HCCS: variants seen among roughly 807,000 people sequenced by gnomAD.
HCCS encodes holocytochrome c synthase.
HCCS carries 2 observed loss-of-function variants against 24.2 expected under a neutral mutation model. The observed-to-expected ratio is 0.08, with a 90% CI of 0.03 to 0.26. HCCS has a LOEUF of 0.26. HCCS is among the 10% of genes least tolerant of loss of function. The probability of loss-of-function intolerance (pLI) is 1.00; values close to 1 mark genes in which losing one functional copy is unlikely to be tolerated. For missense variants in HCCS, 150 were observed against 213.3 expected (o/e 0.70, Z 1.85); for synonymous variants, 73 against 76.2 (o/e 0.96, Z 0.22).
At chrX:11,118,661 T>C (rs2045467710) in intron 5 of HCCS, 41 bp downstream of exon 5, 2 of 1,163,330 alleles carry the variant, frequency 1.7e-6, no homozygotes, top group Non-Finnish European at 2.3e-6. Context: ...AGCATCTTTG[T>C]TATTTCATAT....
chrX:11,114,689 A>G (rs1180992641), intron 2 of HCCS, 146 bp from the exon 3 acceptor site: 4 of 541,789 alleles, frequency 7.4e-6, no homozygotes, highest in Non-Finnish European at 1.3e-5. Flanking sequence ...TAGCTAGTTC[A>G]GTTCTTGATA....
At position 11,122,774 on chromosome X, in the gene HCCS, G is replaced by A. The variant is rs900747285; in HGVS notation, c.*964G>A. 8.9e-6 allele frequency: 1 copy of A among 111,865 alleles called. No individual in the cohort carries two copies. Among genetic ancestry groups the A allele is most frequent in the East Asian group, 2.8e-4 (1 of 3,592 alleles). The allele number at this position is 111,865 out of a possible 1,213,427, so 9.2% of individuals were successfully genotyped here. A position where few individuals can be genotyped will look rare whatever the true frequency, so the allele number is the denominator to read the frequency against. ...AACTCAGTCTAGATTTTTTTTGTTT[G>A]TTTTAAGGAAGCTCTAAGTTTGCCA... On this transcript the variant is annotated 3_prime_UTR_variant, in exon 7 of 7. Transcript: ENST00000380762.
intron 2 of HCCS, among the ~76,000 whole-genome samples, chrX:11,112,744 T>A (rs1031644587): frequency 8.8e-6 from 1 of 113,215 alleles, no homozygotes; most frequent in Non-Finnish European, 1.9e-5. Context: ...TCCCAAAGTT[T>A]ACTTGTGCCT....
chrX:11,120,439 C>T (rs1216611488), intron 5 of HCCS, among the ~76,000 whole-genome samples: 1 of 112,360 alleles, frequency 8.9e-6, no homozygotes, highest in Non-Finnish European at 1.9e-5. Flanking sequence ...ACATTAATTA[C>T]AATCCATTTC....
Position 11,118,489 on chromosome X carries a change from ATTCTTTCCT to A in HCCS, c.402-11_402-3del. On this transcript the variant is annotated splice_region_variant and splice_polypyrimidine_tract_variant and intron_variant, in intron 4 of 6. Coordinates refer to ENST00000380762, the MANE Select transcript of HCCS (RefSeq NM_005333.5). ...GAACAGTTGTCAAATTTTACCAAATATTCTTTCCTAGGTGGAAGTGGAAGGATGAGGATA... is the reference window on the plus strand; with the variant it reads ...GAACAGTTGTCAAATTTTACCAAATAAGGTGGAAGTGGAAGGATGAGGATA... The A allele has an allele frequency of 8.4e-7, 1 of 1,193,198 alleles. No individual in the cohort carries two copies. Among genetic ancestry groups the A allele is most frequent in the African/African-American group, 1.7e-5 (1 of 57,481 alleles).
intron 5 of HCCS, among the ~76,000 whole-genome samples, chrX:11,120,255 G>A (rs1336530437): frequency 9.0e-6 from 1 of 111,286 alleles, no homozygotes; most frequent in Non-Finnish European, 1.9e-5. Context: ...ACTCCACGAG[G>A]ACAGTGCTCA....
chrX:11,118,273 A>C lies in HCCS; in HGVS notation c.402-228A>C. ...AAAATGAGACTAAGGTGAACCTTTTATATTTGTTTTCAATGCTTCTATAGT... is the reference window on the plus strand; with the variant it reads ...AAAATGAGACTAAGGTGAACCTTTTCTATTTGTTTTCAATGCTTCTATAGT... On this transcript the variant is annotated intron_variant, in intron 4 of 6. Transcript: ENST00000380762. The C allele has an allele frequency of 3.0e-5, 13 of 440,182 alleles. No homozygotes were observed. In the South Asian group the frequency reaches 3.4e-4, roughly 12 times the overall value. 36.3% of individuals were successfully genotyped at this position (440,182 alleles called of 1,213,427 possible).
chrX:11,115,034 C>T (rs371564711), intron 3 of HCCS, 48 bp downstream of exon 3: 11 of 1,062,723 alleles, frequency 1.0e-5, no homozygotes, highest in Non-Finnish European at 1.4e-5. Context: ...TGCAGGGTTG[C>T]TTATACAGAC....
rs767566590 is a variant in HCCS, at chrX:11,121,786, C to T, written c.783C>T (p.Val261=). 2.2e-5 allele frequency: 27 copies of T among 1,207,884 alleles called. No individual in the cohort carries two copies. The highest frequency in any genetic ancestry group is 1.5e-4 in the Admixed American group (7 of 45,860). Reference sequence around the variant, plus strand: ...CGGCAGTATGGGACAGAATGAAAGTCGCTTGGTGGCGTTGGACCTCGTAAA... The same window carrying T: ...CGGCAGTATGGGACAGAATGAAAGTTGCTTGGTGGCGTTGGACCTCGTAAA... ...SLSAVWDRMK[V]AWWRWTS The change falls in exon 7 of 7, where the codon GTC becomes GTT. Residue 261 remains valine, a synonymous_variant. Transcript: ENST00000380762.
intron 5 of HCCS, among the ~76,000 whole-genome samples, chrX:11,118,939 C>T (rs769360809): frequency 1.1e-4 from 12 of 111,709 alleles, no homozygotes; most frequent in Non-Finnish European, 2.1e-4. Flanking sequence ...AGTCTTCTGA[C>T]GGCCTGCTGG....
chrX:11,121,911 C>A lies in HCCS; in HGVS notation c.*101C>A. On this transcript the variant is annotated 3_prime_UTR_variant, in exon 7 of 7. Transcript: ENST00000380762. ...TGCACTCATGATGTAATGGGAACTTCAAGTGGGTAATCACACTTTTTCCTT... is the reference window on the plus strand; with the variant it reads ...TGCACTCATGATGTAATGGGAACTTAAAGTGGGTAATCACACTTTTTCCTT... The A allele has an allele frequency of 1.5e-6, 1 of 662,592 alleles. No individual in the cohort carries two copies. The highest frequency in any genetic ancestry group is 2.4e-6 in the Non-Finnish European group (1 of 419,676). 54.6% of individuals were successfully genotyped at this position (662,592 alleles called of 1,213,427 possible). A position where few individuals can be genotyped will look rare whatever the true frequency, so the allele number is the denominator to read the frequency against.
At chrX:11,115,867 C>A (rs938795515) in intron 3 of HCCS, among the ~76,000 whole-genome samples, 24 of 111,868 alleles carry the variant, frequency 2.1e-4, no homozygotes, top group African/African-American at 7.8e-4. Context: ...CTACCCAGTT[C>A]TGCTGCTGCT....
chrX:11,120,642 T>C (rs1490497399), intron 5 of HCCS, among the ~76,000 whole-genome samples: 1 of 110,733 alleles, frequency 9.0e-6, no homozygotes, highest in East Asian at 2.8e-4. Flanking sequence ...GGAAAGGCCC[T>C]GTTTCCTGAC....
chrX:11,115,075 A>C (rs1260435132), intron 3 of HCCS, 89 bp downstream of exon 3: 5 of 735,490 alleles, frequency 6.8e-6, no homozygotes, highest in Non-Finnish European at 1.1e-5. Flanking sequence ...GGCTAGGATG[A>C]ATTCTTCTGT....
In HCCS at chrX:11,111,676, T is replaced by C. The variant is rs962065362; in HGVS notation, c.-43+158T>C. Among the ~76,000 whole-genome samples the C allele has an allele frequency of 7.2e-5, 8 of 111,812 alleles. No homozygotes were observed. The East Asian group carries it at 8.5e-4, about 12-fold the overall frequency. On this transcript the variant is annotated intron_variant, in intron 1 of 6. Transcript: ENST00000380762. ...GGATGGGGGTCAAGTCTAGGCTCAA[T>C]GGACCTCCCCTCCTCCACCCGGGTC...
rs2045456697 is a variant in HCCS, at chrX:11,117,418, G to A, written c.401+3G>A. 1 of 1,199,133 alleles carries A rather than the reference G, an allele frequency of 8.3e-7. No homozygotes were observed. The highest frequency in any genetic ancestry group is 2.2e-5 in the Admixed American group (1 of 45,755). ...TGGAATGCAATGTTAAAGAAAGGGT[G>A]AGTGAACATATTATTTAAGATAAAA... On this transcript the variant is annotated splice_donor_region_variant and intron_variant, in intron 4 of 6. Transcript: ENST00000380762.
intron 3 of HCCS, among the ~76,000 whole-genome samples, chrX:11,115,524 C>T (rs1285943943): frequency 9.0e-6 from 1 of 111,707 alleles, no homozygotes; most frequent in Non-Finnish European, 1.9e-5. Context: ...AGTTTGGAAT[C>T]GTGTTTTAAC....
intron 5 of HCCS, 112 bp from the exon 6 acceptor site, chrX:11,120,795 T>A (rs1186781964): frequency 1.7e-6 from 1 of 604,396 alleles, no homozygotes; most frequent in Non-Finnish European, 2.9e-6. Context: ...AAATGTTATA[T>A]TATGTGAAAT....
At position 11,122,492 on chromosome X, in the gene HCCS, A is replaced by G. The variant is rs908346839; in HGVS notation, c.*682A>G. On this transcript the variant is annotated 3_prime_UTR_variant, in exon 7 of 7. Transcript: ENST00000380762. Reference sequence around the variant, plus strand: ...TGTTCCCTTTAAATCCTGTTATTCTAATATGTAACTCTGCTCCCAACAAAC... The same window carrying G: ...TGTTCCCTTTAAATCCTGTTATTCTGATATGTAACTCTGCTCCCAACAAAC... The G allele has an allele frequency of 8.9e-6, 1 of 112,115 alleles. No homozygotes were observed. Among genetic ancestry groups the G allele is most frequent in the Non-Finnish European group, 1.9e-5 (1 of 53,278 alleles). 9.2% of individuals were successfully genotyped at this position (112,115 alleles called of 1,213,427 possible). A position where few individuals can be genotyped will look rare whatever the true frequency, so the allele number is the denominator to read the frequency against.
Sources: gnomAD v4.1 joint callset for allele counts (sites outside exome capture counted in the v4.1 genomes callset) on GRCh38, gnomAD v4.1.1 for gene constraint, MANE v1.5 for transcripts, NCBI Gene and HGNC (gene_info 2026-07-23, HGNC 2026-07-21) for gene names.